PCDHGA11: variants seen among roughly 807,000 people sequenced by gnomAD.
The protein encoded by PCDHGA11 is protocadherin gamma-A11.
PCDHGA11 carries 39 observed loss-of-function variants against 60.4 expected under a neutral mutation model. The observed-to-expected ratio is 0.65, with a 90% CI of 0.50 to 0.84. PCDHGA11 has a LOEUF of 0.84. PCDHGA11 is among the 40% of genes least tolerant of loss of function. The probability of loss-of-function intolerance (pLI) is 0.00; values close to 1 mark genes in which losing one functional copy is unlikely to be tolerated. For synonymous variants in PCDHGA11, 533 were observed against 510.3 expected (o/e 1.04, Z -0.60); for missense variants, 1,165 against 1,197.7 (o/e 0.97, Z 0.40).
intron 1 of PCDHGA11, chr5:141,433,358 CCTAT>C (rs3074541): frequency 0.23 from 113,181 of 502,952 alleles, 11,570 homozygotes; most frequent in Non-Finnish European, 0.24. Flanking sequence ...CTACTGTCTG[CCTAT>C]CTATCTATCT....
At chr5:141,442,253 G>A (rs910914393) in intron 1 of PCDHGA11, 2 of 153,064 alleles carry the variant, frequency 1.3e-5, no homozygotes, top group Non-Finnish European at 2.9e-5. Flanking sequence ...TGCATTGTTT[G>A]TGCTGGTTTT....
chr5:141,471,631 G>A (rs573080972), intron 1 of PCDHGA11: 7 of 152,188 alleles, frequency 4.6e-5, no homozygotes, highest in African/African-American at 9.6e-5. Flanking sequence ...CATTGGTATG[G>A]ATTAGTAATA....
intron 2 of PCDHGA11, 145 bp downstream of exon 2, chr5:141,495,010 G>GT: frequency 6.6e-7 from 1 of 1,516,970 alleles, no homozygotes; most frequent in East Asian, 2.5e-5. Flanking sequence ...GTGTGCGGGG[G>GT]GCTGGCACAC....
rs2099609528 is a variant in PCDHGA11 at position 141,485,211 on chromosome 5, G to A, written c.2434-9596G>A. 6.2e-7 allele frequency: 1 copy of A among 1,614,126 alleles called. No individual in the cohort carries two copies. The highest frequency in any genetic ancestry group is 8.5e-7 in the Non-Finnish European group (1 of 1,179,980). Reference sequence around the variant, plus strand: ...GTGAGAAGCTGGACAGAAATCTGGCGGTGGGCTACCCTTTTGTTCCTCTTT... The same window carrying A: ...GTGAGAAGCTGGACAGAAATCTGGCAGTGGGCTACCCTTTTGTTCCTCTTT... On this transcript the variant is annotated intron_variant, in intron 1 of 3. Transcript: ENST00000398587. This position sits in a 1 kb window ranked among gnomAD's most constrained non-coding sequence, Gnocchi z 5.7.
intron 1 of PCDHGA11, among the ~76,000 whole-genome samples, chr5:141,461,345 G>A (rs1277222105): frequency 1.3e-5 from 2 of 152,102 alleles, no homozygotes; most frequent in African/African-American, 4.8e-5. Context: ...CAGGACCAAG[G>A]TGGTAGCTCG....
chr5:141,427,146 A>G (rs901147622), intron 1 of PCDHGA11: 10 of 456,872 alleles, frequency 2.2e-5, no homozygotes, highest in Admixed American at 7.0e-5. Context: ...TGATATTGGA[A>G]ATATGTTTGT....
At chr5:141,466,716 T>A (rs2099127818) in intron 1 of PCDHGA11, among the ~76,000 whole-genome samples, 1 of 152,210 alleles carries the variant, frequency 6.6e-6, no homozygotes, top group South Asian at 2.1e-4. Flanking sequence ...TGTTCTTGTT[T>A]CCATTTTAGC....
rs1225025591 is a variant in PCDHGA11 at position 141,493,316 on chromosome 5, T to G, written c.2434-1491T>G. Among the ~76,000 whole-genome samples, 2 of 152,198 alleles carry G rather than the reference T, an allele frequency of 1.3e-5. No homozygotes were observed. The highest frequency in any genetic ancestry group is 2.1e-4 in the South Asian group (1 of 4,826). Reference sequence around the variant, plus strand: ...AGTTCACAGAGCAAGTAAGAGAGATTCTAACCCCTGTCTAACTCCAGAATG... The same window carrying G: ...AGTTCACAGAGCAAGTAAGAGAGATGCTAACCCCTGTCTAACTCCAGAATG... On this transcript the variant is annotated intron_variant, in intron 1 of 3. Coordinates refer to ENST00000398587, the MANE Select transcript of PCDHGA11 (RefSeq NM_018914.3). This position sits in a 1 kb window ranked among gnomAD's most constrained non-coding sequence, Gnocchi z 4.3.
At chr5:141,458,264 G>A (rs1489144612) in intron 1 of PCDHGA11, among the ~76,000 whole-genome samples, 3 of 152,092 alleles carry the variant, frequency 2.0e-5, no homozygotes, top group Non-Finnish European at 2.9e-5. Flanking sequence ...GATGAGTGGA[G>A]GAACAACAGG....
intron 1 of PCDHGA11, among the ~76,000 whole-genome samples, chr5:141,466,387 A>G (rs1312030857): frequency 1.3e-5 from 2 of 152,108 alleles, no homozygotes; most frequent in Non-Finnish European, 2.9e-5. Flanking sequence ...CATCTAATGG[A>G]AAGTTTGCTC....
intron 1 of PCDHGA11, chr5:141,430,753 G>C (rs1175014357): frequency 6.6e-7 from 1 of 1,504,258 alleles, no homozygotes. Context: ...TCTGGAGGAA[G>C]ATAAGAATGA....
In PCDHGA11 at chr5:141,476,087, C is replaced by T. The variant is rs758610836; in HGVS notation, c.2434-18720C>T. The stretch of plus-strand genomic sequence containing the variant: ...AGCGAAATCTCAGGGACGATCTGGA[C>T]CCCGCTGAGAGGAACTGCTTTTGAG... On this transcript the variant is annotated intron_variant, in intron 1 of 3. Coordinates refer to ENST00000398587, the MANE Select transcript of PCDHGA11 (RefSeq NM_018914.3). This position sits in a 1 kb window ranked among gnomAD's most constrained non-coding sequence, Gnocchi z 7.6. 9 of 1,553,656 alleles carry T rather than the reference C, an allele frequency of 5.8e-6. No individual in the cohort carries two copies. The South Asian group carries it at 1.1e-4, about 19-fold the overall frequency.
chr5:141,440,959 G>A (rs1313315196), intron 1 of PCDHGA11: 1 of 152,216 alleles, frequency 6.6e-6, no homozygotes, highest in Non-Finnish European at 1.5e-5. Flanking sequence ...TCAAGGCAGA[G>A]ATCACATATG....
rs200022455 is a variant in PCDHGA11 at position 141,423,051 on chromosome 5, C to T, written c.1824C>T (p.Arg608=). ...DSGQNAWLSY[R]LLKASEPGLF... ...GCCAGAACGCCTGGCTGTCCTATCG[C>T]CTGCTTAAGGCCAGCGAGCCGGGAC... Residue 608 remains arginine (R), a synonymous_variant, in exon 1 of 4, where the codon CGC becomes CGT. Coordinates refer to ENST00000398587, the MANE Select transcript of PCDHGA11 (RefSeq NM_018914.3). 28 of 1,614,084 alleles carry T rather than the reference C, an allele frequency of 1.7e-5. No homozygotes were observed. Among genetic ancestry groups the T allele is most frequent in the Non-Finnish European group, 2.3e-5 (27 of 1,180,048 alleles).
intron 2 of PCDHGA11, among the ~76,000 whole-genome samples, chr5:141,500,892 G>GAT (rs1036007799): frequency 1.1e-5 from 1 of 88,010 alleles, no homozygotes; most frequent in African/African-American, 7.1e-5. Flanking sequence ...TTTTTTTTGA[G>GAT]ACAGTCTCGC....
At chr5:141,507,852 T>C (rs556569001) in intron 3 of PCDHGA11, among the ~76,000 whole-genome samples, 25 of 152,118 alleles carry the variant, frequency 1.6e-4, no homozygotes, top group Non-Finnish European at 2.6e-4. Context: ...CTGCTCTCAC[T>C]TTCACACCCG....
chr5:141,422,684 C>T lies in PCDHGA11; in HGVS notation c.1457C>T (p.Ala486Val), dbSNP rs2096664410. Reference sequence around the variant, plus strand: ...CTCGACCCGGACAGCAAACAGAATGCCCTGGTCACTTACTCTCTGACGGAT... The same window carrying T: ...CTCGACCCGGACAGCAAACAGAATGTCCTGGTCACTTACTCTCTGACGGAT... ...TALDPDSKQN[A>V]LVTYSLTDDT... The change falls in exon 1 of 4, where the codon GCC (alanine) becomes GTC (valine). Residue 486 changes from alanine (A) to valine (V), a missense_variant. Ala to Val is a moderately conservative substitution (Grantham distance 64). Coordinates refer to ENST00000398587, the MANE Select transcript of PCDHGA11 (RefSeq NM_018914.3). 6.2e-7 allele frequency: 1 copy of T among 1,604,876 alleles called. No homozygotes were observed. The highest frequency in any genetic ancestry group is 1.7e-5 in the Admixed American group (1 of 59,546).
intron 1 of PCDHGA11, among the ~76,000 whole-genome samples, chr5:141,438,587 C>CAT (rs1372372472): frequency 1.4e-4 from 10 of 73,396 alleles, no homozygotes; most frequent in East Asian, 3.8e-4. Context: ...TACATACATA[C>CAT]ATACATATAT....
Position 141,422,556 on chromosome 5 carries a change from G to T in PCDHGA11, c.1329G>T (p.Val443=). The change falls in exon 1 of 4, where the codon GTG becomes GTT. Residue 443 remains valine, a synonymous_variant. Transcript: ENST00000398587. ...CAGAAACTCATGTCTGGCTGAATGT[G>T]GCAGATGACAACGATAACCCTCCCG... is the stretch of plus-strand genomic sequence containing the variant. ...LSAETHVWLN[V]ADDNDNPPVF... is the part of the protein sequence containing the mutation. 6.2e-7 allele frequency: 1 copy of T among 1,613,908 alleles called. No individual in the cohort carries two copies. Among genetic ancestry groups the T allele is most frequent in the South Asian group, 1.1e-5 (1 of 91,074 alleles).
Sources: allele counts gnomAD v4.1 joint callset (sites outside exome capture counted in the v4.1 genomes callset), GRCh38; gene constraint gnomAD v4.1.1; non-coding constraint Gnocchi (gnomAD v3.1); transcripts MANE v1.5; gene names NCBI Gene and HGNC (gene_info 2026-07-23, HGNC 2026-07-21).